GNG7: variants seen among roughly 807,000 people sequenced by gnomAD.
GNG7 encodes the protein guanine nucleotide-binding protein G(I)/G(S)/G(O) subunit gamma-7.
In GNG7, 1 loss-of-function variant was observed where a neutral mutation model predicts 4.0. That is an observed-to-expected ratio of 0.25 (90% CI 0.09 to 1.18). The LOEUF is 1.18. Ranked by LOEUF, GNG7 falls within the 50% of genes most tolerant of loss-of-function variation. The probability of loss-of-function intolerance (pLI) is 0.50; values close to 1 mark genes in which losing one functional copy is unlikely to be tolerated. For missense variants in GNG7, 86 were observed against 91.9 expected (o/e 0.94, Z 0.26); for synonymous variants, 34 against 36.9 (o/e 0.92, Z 0.29).
chr19:2,541,674 G>A (rs1471577512), intron 3 of GNG7, among the ~76,000 whole-genome samples: 2 of 150,692 alleles, frequency 1.3e-5, no homozygotes, highest in African/African-American at 2.4e-5. Flanking sequence ...CCTGGGAGGC[G>A]GAGGTTGCAG....
chr19:2,597,697 C>A (rs1422722428), intron 2 of GNG7, among the ~76,000 whole-genome samples: 1 of 151,296 alleles, frequency 6.6e-6, no homozygotes, highest in African/African-American at 2.4e-5. Context: ...CAGATCGAGA[C>A]CATCCTGGCT....
At chr19:2,638,102 C>T (rs758892718) in intron 2 of GNG7, among the ~76,000 whole-genome samples, 2 of 151,972 alleles carry the variant, frequency 1.3e-5, no homozygotes, top group Non-Finnish European at 2.9e-5. Flanking sequence ...CGGTGGCTCA[C>T]GCCTGTCACC....
chr19:2,605,154 C>T (rs1376837391), intron 2 of GNG7, among the ~76,000 whole-genome samples: 1 of 152,156 alleles, frequency 6.6e-6, no homozygotes, highest in African/African-American at 2.4e-5. Context: ...GTCTCTGCCT[C>T]CATCTCCCCA....
At position 2,605,755 on chromosome 19, in the gene GNG7, G is replaced by A. The variant is rs532511133; in HGVS notation, c.-78+40469C>T. 1.1e-3 allele frequency among the ~76,000 whole-genome samples: 163 copies of A among 147,776 alleles called. 1 individual carries two copies. The South Asian group carries it at 0.014, about 13-fold the overall frequency. On this transcript the variant is annotated intron_variant, in intron 2 of 4. Coordinates refer to ENST00000382159, the MANE Select transcript of GNG7 (RefSeq NM_052847.3). ...TCTCGATCTCCTGACCTCGTGATCT[G>A]CCCGCCTTGGCCTCCCAAAGTGCTG... is the stretch of plus-strand genomic sequence containing the variant.
chr19:2,560,168 T>C (rs1404293857), intron 2 of GNG7, among the ~76,000 whole-genome samples: 1 of 152,058 alleles, frequency 6.6e-6, no homozygotes, highest in Non-Finnish European at 1.5e-5. Flanking sequence ...CCCCAGGCAT[T>C]GATTTGGGGT....
rs1463722921 is a variant in GNG7 at position 2,633,481 on chromosome 19, G to GCACA, written c.-78+12742_-78+12743insTGTG. Among the ~76,000 whole-genome samples the GCACA allele has an allele frequency of 0.089, 7,189 of 80,424 alleles. 615 individuals carry two copies. The highest frequency in any genetic ancestry group is 0.27 in the African/African-American group (6,845 of 25,352). 52.8% of individuals were successfully genotyped at this position (80,424 alleles called of 152,430 possible). On this transcript the variant is annotated intron_variant, in intron 2 of 4. Transcript: ENST00000382159. This position sits in a 1 kb window ranked among gnomAD's most constrained non-coding sequence, Gnocchi z 5.9. ...GTTGCTTAGCAACAGGCGCGCGCGC[G>GCACA]CGCGCGCACACACACACACACACAC...
At position 2,568,060 on chromosome 19, in the gene GNG7, T is replaced by C. The variant is rs375244424; in HGVS notation, c.-77-12872A>G. On this transcript the variant is annotated intron_variant, in intron 2 of 4. Transcript: ENST00000382159. ...GCACACACGTGCAGATACACACACA[T>C]ATAGACATACACACATATACACATG... Among the ~76,000 whole-genome samples the C allele has an allele frequency of 8.4e-4, 127 of 151,542 alleles. 1 individual carries two copies. Among genetic ancestry groups the C allele is most frequent in the African/African-American group, 3.0e-3 (124 of 41,250 alleles).
intron 2 of GNG7, among the ~76,000 whole-genome samples, chr19:2,615,684 C>T (rs914105880): frequency 4.0e-5 from 6 of 151,486 alleles, no homozygotes; most frequent in South Asian, 2.1e-4. Flanking sequence ...AGGATGGTCT[C>T]GATGTCCTGA....
intron 1 of GNG7, among the ~76,000 whole-genome samples, chr19:2,682,680 A>T (rs1000660847): frequency 6.9e-6 from 1 of 144,084 alleles, no homozygotes; most frequent in African/African-American, 2.6e-5. Context: ...AAAAAAAAAA[A>T]GAAGAGCTAC....
chr19:2,615,174 T>C (rs1198270521), intron 2 of GNG7, among the ~76,000 whole-genome samples: 1 of 152,022 alleles, frequency 6.6e-6, no homozygotes, highest in Non-Finnish European at 1.5e-5. Flanking sequence ...TCTTTTTTTT[T>C]TTTTTGAGAC....
chr19:2,573,406 C>T (rs1038705425), intron 2 of GNG7, among the ~76,000 whole-genome samples: 3 of 152,106 alleles, frequency 2.0e-5, no homozygotes, highest in South Asian at 2.1e-4. Context: ...ATGGAGGAGG[C>T]GGGGCTAGTC....
At chr19:2,607,158 C>G (rs1036729471) in intron 2 of GNG7, among the ~76,000 whole-genome samples, 1 of 150,640 alleles carries the variant, frequency 6.6e-6, no homozygotes, top group African/African-American at 2.4e-5. Context: ...GAGGTTGAGG[C>G]TGCAGTGAGC....
At chr19:2,585,113 AAAGAAGGT>A (rs1980632229) in intron 2 of GNG7, among the ~76,000 whole-genome samples, 1 of 66,006 alleles carries the variant, frequency 1.5e-5, no homozygotes. Context: ...GGAAGGAAGG[AAAGAAGGT>A]AGGAATGAAG....
chr19:2,652,479 C>A (rs922982834), intron 1 of GNG7, among the ~76,000 whole-genome samples: 1 of 151,712 alleles, frequency 6.6e-6, no homozygotes. Context: ...ATTAGCCGGG[C>A]GTGGTGGTGC....
At position 2,665,063 on chromosome 19, in the gene GNG7, G is replaced by A. The variant is rs147223484; in HGVS notation, c.-134-18783C>T. On this transcript the variant is annotated intron_variant, in intron 1 of 4. Coordinates refer to ENST00000382159, the MANE Select transcript of GNG7 (RefSeq NM_052847.3). Reference sequence around the variant, plus strand: ...ACATTGAAATCCACACCTTTAGTTGGGGGGAGGGAGAGAGGAGGTGAATCC... The same window carrying A: ...ACATTGAAATCCACACCTTTAGTTGAGGGGAGGGAGAGAGGAGGTGAATCC... Among the ~76,000 whole-genome samples the A allele has an allele frequency of 6.0e-4, 91 of 151,856 alleles. No homozygotes were observed. The East Asian group carries it at 0.016, about 26-fold the overall frequency.
chr19:2,552,427 G>A (rs185554485), intron 3 of GNG7, among the ~76,000 whole-genome samples: 5 of 152,010 alleles, frequency 3.3e-5, no homozygotes, highest in Non-Finnish European at 4.4e-5. Context: ...CTCTGTTGCC[G>A]AGGCTGGAGT....
At chr19:2,652,702 G>C (rs1042148483) in intron 1 of GNG7, among the ~76,000 whole-genome samples, 3 of 152,128 alleles carry the variant, frequency 2.0e-5, no homozygotes, top group Non-Finnish European at 2.9e-5. Flanking sequence ...GGGAAAGGAA[G>C]GGGGAGATGG....
chr19:2,564,573 C>T (rs1428413397), intron 2 of GNG7, among the ~76,000 whole-genome samples: 2 of 152,004 alleles, frequency 1.3e-5, no homozygotes. Flanking sequence ...GACTCTGTCT[C>T]AAAACAGACA....
intron 2 of GNG7, among the ~76,000 whole-genome samples, chr19:2,602,627 G>T (rs1045555793): frequency 1.3e-5 from 2 of 152,232 alleles, no homozygotes; most frequent in Admixed American, 1.3e-4. Context: ...GAACCACTAC[G>T]CAATCGTCAC....
Sources: allele counts gnomAD v4.1 joint callset (sites outside exome capture counted in the v4.1 genomes callset), GRCh38; gene constraint gnomAD v4.1.1; non-coding constraint Gnocchi (gnomAD v3.1); transcripts MANE v1.5; gene names NCBI Gene and HGNC (gene_info 2026-07-23, HGNC 2026-07-21).